Variants in MYRIP observed in about 807,000 individuals in gnomAD.
MYRIP encodes rab effector MyRIP.
A neutral mutation model predicts 98.0 loss-of-function variants in MYRIP; 49 were observed. The observed-to-expected ratio is 0.50, with a 90% CI of 0.40 to 0.63. The LOEUF is 0.63. MYRIP is among the 30% of genes least tolerant of loss of function. MYRIP has a pLI of 0.00. For synonymous variants in MYRIP, 404 were observed against 409.5 expected, an observed-to-expected ratio of 0.99 and a Z score of 0.16; for missense variants, 1,004 against 1,058.2, an observed-to-expected ratio of 0.95 and a Z score of 0.71.
At chr3:40,037,435 C>T (rs1947407797) in intron 2 of MYRIP, among the ~76,000 whole-genome samples, 1 of 151,938 alleles carries the variant, frequency 6.6e-6, no homozygotes, top group African/African-American at 2.4e-5. Flanking sequence ...TTGTCTTTTC[C>T]CTTTGGCTTA....
intron 1 of MYRIP, among the ~76,000 whole-genome samples, 162 bp from the exon 2 acceptor site, chr3:39,900,625 A>G (rs1367820754): frequency 6.6e-6 from 1 of 152,050 alleles, no homozygotes; most frequent in Non-Finnish European, 1.5e-5. Flanking sequence ...GGCCTTGGTG[A>G]GGTCATTTGT....
At chr3:39,917,468 A>G (rs1944189917) in intron 2 of MYRIP, among the ~76,000 whole-genome samples, 1 of 109,926 alleles carries the variant, frequency 9.1e-6, no homozygotes. Context: ...AAAAAATAGG[A>G]AAATTAAAAA....
intron 1 of MYRIP, among the ~76,000 whole-genome samples, chr3:39,890,811 T>G (rs937119406): frequency 3.9e-5 from 6 of 152,102 alleles, no homozygotes; most frequent in Admixed American, 3.9e-4. Flanking sequence ...TTGTCGCTAT[T>G]TCTTTTTGGG....
In MYRIP at chr3:40,190,370, C is replaced by T; in HGVS notation, c.1572C>T (p.Ala524=). The part of the protein sequence containing the change: ...EEAPHTTDRR[A]RRWRRARLGS... ...CCCCCCACACCACAGACCGGCGGGC[C>T]AGGAGGTGGAGAAGAGCCCGACTGG... The change falls in exon 10 of 17, where the codon GCC becomes GCT. Residue 524 remains alanine (A), a synonymous_variant. Coordinates refer to ENST00000302541, the MANE Select transcript of MYRIP (RefSeq NM_015460.4). 1.2e-6 allele frequency: 2 copies of T among 1,613,860 alleles called. No homozygotes were observed. Among genetic ancestry groups the T allele is most frequent in the Non-Finnish European group, 8.5e-7 (1 of 1,179,936 alleles).
chr3:39,859,444 G>A lies in MYRIP; in HGVS notation c.-30-41343G>A, dbSNP rs147924516. On this transcript the variant is annotated intron_variant, in intron 1 of 16. Coordinates refer to ENST00000302541, the MANE Select transcript of MYRIP (RefSeq NM_015460.4). Reference sequence around the variant, plus strand: ...TGACTTTAAAGGTGAATTCTGCCAAGCATTTAAAGAACTGTTGCCAGTCCT... The same window carrying A: ...TGACTTTAAAGGTGAATTCTGCCAAACATTTAAAGAACTGTTGCCAGTCCT... Among the ~76,000 whole-genome samples the A allele has an allele frequency of 1.3e-3, 195 of 152,262 alleles. 2 individuals are homozygous for A. The East Asian group carries it at 0.029, about 23-fold the overall frequency.
chr3:39,939,411 G>A (rs1459611650), intron 2 of MYRIP, among the ~76,000 whole-genome samples: 2 of 152,068 alleles, frequency 1.3e-5, no homozygotes, highest in African/African-American at 4.8e-5. Context: ...TGGAAAAAAA[G>A]TCCATGCAGT....
chr3:40,221,694 A>C (rs1297372265), intron 11 of MYRIP, among the ~76,000 whole-genome samples: 1 of 152,236 alleles, frequency 6.6e-6, no homozygotes, highest in Admixed American at 6.5e-5. Context: ...GCCTGCCACC[A>C]TAAAATAGTG....
chr3:39,994,221 G>C (rs898633687), intron 2 of MYRIP, among the ~76,000 whole-genome samples: 7 of 152,366 alleles, frequency 4.6e-5, no homozygotes, highest in Middle Eastern at 3.4e-3. Flanking sequence ...CACGGAGCAT[G>C]AGCCGAAGCA....
Position 39,900,902 on chromosome 3 carries a change from G to T in MYRIP, c.86G>T (p.Arg29Leu). 6.2e-7 allele frequency: 1 copy of T among 1,613,116 alleles called. No homozygotes were observed. Among genetic ancestry groups the T allele is most frequent in the Non-Finnish European group, 8.5e-7 (1 of 1,179,784 alleles). Reference protein sequence around the residue: ...LQVVQRDFNLRKKEEERLSEL... With the variant: ...LQVVQRDFNLLKKEEERLSEL... ...GTGGTTCAAAGAGACTTCAATCTTCGCAAAAAAGAAGAAGAACGACTAAGG... is the reference window on the plus strand; with the variant it reads ...GTGGTTCAAAGAGACTTCAATCTTCTCAAAAAAGAAGAAGAACGACTAAGG... Residue 29 changes from arginine to leucine, a missense_variant, in exon 2 of 17, where the codon CGC becomes CTC. Coordinates refer to ENST00000302541, the MANE Select transcript of MYRIP (RefSeq NM_015460.4).
At chr3:40,085,322 T>C (rs1948604575) in intron 3 of MYRIP, among the ~76,000 whole-genome samples, 1 of 152,232 alleles carries the variant, frequency 6.6e-6, no homozygotes, top group East Asian at 1.9e-4. Flanking sequence ...AGCCTCACTC[T>C]GTCACCCAGG....
At chr3:39,960,794 G>A (rs1945304066) in intron 2 of MYRIP, among the ~76,000 whole-genome samples, 1 of 152,144 alleles carries the variant, frequency 6.6e-6, no homozygotes, top group African/African-American at 2.4e-5. Flanking sequence ...CCTTAAATGT[G>A]AGCTTACATA....
In MYRIP at chr3:40,155,591, A is replaced by C. The variant is rs939164266; in HGVS notation, c.469+4407A>C. Among the ~76,000 whole-genome samples, 21 of 151,426 alleles carry C rather than the reference A, an allele frequency of 1.4e-4. 1 individual carries two copies. The highest frequency in any genetic ancestry group is 5.1e-4 in the African/African-American group (21 of 41,260). On this transcript the variant is annotated intron_variant, in intron 4 of 16. Coordinates refer to ENST00000302541, the MANE Select transcript of MYRIP (RefSeq NM_015460.4). ...CACTGACTTCCACAATGGTTGAACT[A>C]GTTTACAGTCCCACCAACAGTGTAA...
rs146732006 is a variant in MYRIP, at chr3:40,115,992, C to T, written c.333-35056C>T. ...GCCACTGCAGGTAATGACAACTGCA[C>T]AGCACGAGCAAGGTTGAGTAGAACA... On this transcript the variant is annotated intron_variant, in intron 3 of 16. Transcript: ENST00000302541. 2.1e-3 allele frequency among the ~76,000 whole-genome samples: 315 copies of T among 152,280 alleles called. 4 individuals are homozygous for T. The highest frequency in any genetic ancestry group is 7.3e-3 in the African/African-American group (304 of 41,572).
chr3:40,258,200 CT>C lies in MYRIP; in HGVS notation c.*35del. 6.2e-7 allele frequency: 1 copy of C among 1,613,930 alleles called. No individual in the cohort carries two copies. Among genetic ancestry groups the C allele is most frequent in the Non-Finnish European group, 8.5e-7 (1 of 1,179,794 alleles). ...AATTCCACTGCCAGTGACCCACTGC[CT>C]CCGGCCGTACACGACAGTGCCTTGA... On this transcript the variant is annotated 3_prime_UTR_variant, in exon 17 of 17. Transcript: ENST00000302541.
chr3:40,001,468 G>A lies in MYRIP; in HGVS notation c.111-42582G>A, dbSNP rs537889882. On this transcript the variant is annotated intron_variant, in intron 2 of 16. Coordinates refer to ENST00000302541, the MANE Select transcript of MYRIP (RefSeq NM_015460.4). Reference sequence around the variant, plus strand: ...ACAGCTGCTGGTGATACTGAGACAGGGTAGGGATTATTTTACTGTTATCAT... The same window carrying A: ...ACAGCTGCTGGTGATACTGAGACAGAGTAGGGATTATTTTACTGTTATCAT... Among the ~76,000 whole-genome samples the A allele has an allele frequency of 7.2e-5, 11 of 152,258 alleles. No individual in the cohort carries two copies. The East Asian group carries it at 1.7e-3, about 24-fold the overall frequency.
chr3:40,258,250 T>A lies in MYRIP; in HGVS notation c.*84T>A. ...GACCCAACAGCCATCGAGTACTGTATGTATTTCCACCTGAGGAGAAGGCCT... is the reference window on the plus strand; with the variant it reads ...GACCCAACAGCCATCGAGTACTGTAAGTATTTCCACCTGAGGAGAAGGCCT... On this transcript the variant is annotated 3_prime_UTR_variant, in exon 17 of 17. Transcript: ENST00000302541. 2 of 1,530,158 alleles carry A rather than the reference T, an allele frequency of 1.3e-6. No individual in the cohort carries two copies. Among genetic ancestry groups the A allele is most frequent in the African/African-American group, 1.4e-5 (1 of 73,256 alleles). The allele number at this position is 1,530,158 out of a possible 1,614,324, so 94.8% of individuals were successfully genotyped here. A position where few individuals can be genotyped will look rare whatever the true frequency, so the allele number is the denominator to read the frequency against.
In MYRIP at chr3:40,190,112, C is replaced by T. The variant is rs1951160595; in HGVS notation, c.1314C>T (p.Ala438=). Residue 438 remains alanine (A), a synonymous_variant, in exon 10 of 17, where the codon GCC becomes GCT. Transcript: ENST00000302541. The part of the protein sequence containing the change: ...AQSSDQGPIA[A]SPSSALSPNP... ...GCTCTGACCAAGGCCCCATAGCTGC[C>T]TCCCCATCCTCTGCACTCTCCCCCA... 1 of 1,613,966 alleles carries T rather than the reference C, an allele frequency of 6.2e-7. No homozygotes were observed.
chr3:40,040,687 G>T, intron 2 of MYRIP, among the ~76,000 whole-genome samples: 1 of 64,918 alleles, frequency 1.5e-5, no homozygotes, highest in Non-Finnish European at 3.0e-5. Context: ...TAGGGACATG[G>T]ATGAAATTGG....
intron 11 of MYRIP, among the ~76,000 whole-genome samples, chr3:40,211,418 C>T (rs1463012585): frequency 6.6e-6 from 1 of 152,182 alleles, no homozygotes; most frequent in African/African-American, 2.4e-5. Context: ...CCCTCCAACA[C>T]CTCAGACTCT....
Sources: gnomAD v4.1 joint callset for allele counts (sites outside exome capture counted in the v4.1 genomes callset) on GRCh38, gnomAD v4.1.1 for gene constraint, MANE v1.5 for transcripts, NCBI Gene and HGNC (gene_info 2026-07-23, HGNC 2026-07-21) for gene names.